TDRD1: variants seen among roughly 807,000 people sequenced by gnomAD.
TDRD1 encodes tudor domain-containing protein 1.
In TDRD1, 37 loss-of-function variants were observed where a neutral mutation model predicts 140.6. The ratio of observed to expected loss-of-function variants is 0.26; its 90% CI spans 0.20 to 0.35. The LOEUF (loss-of-function observed/expected upper bound fraction) is 0.35. TDRD1 is among the 10% of genes least tolerant of loss of function. The pLI is 1.00. For missense variants in TDRD1, 1,243 were observed against 1,393.0 expected, an observed-to-expected ratio of 0.89 and a Z score of 1.71; for synonymous variants, 506 against 475.7, an observed-to-expected ratio of 1.06 and a Z score of -0.83.
At position 114,193,506 on chromosome 10, in the gene TDRD1, C is replaced by G. The variant is rs7894228; in HGVS notation, c.384+2487C>G. On this transcript the variant is annotated intron_variant, in intron 3 of 25. Coordinates refer to ENST00000251864, the Ensembl canonical transcript of TDRD1. ...ACGTGGTTTCACCATGTTGATCAGG[C>G]CGGTCCCGAACTCCTGACCTTAGGT... is the stretch of plus-strand genomic sequence containing the variant. 4.8e-3 allele frequency among the ~76,000 whole-genome samples: 731 copies of G among 152,160 alleles called. 5 individuals are homozygous for G. The highest frequency in any genetic ancestry group is 0.017 in the African/African-American group (692 of 41,518).
At position 114,222,810 on chromosome 10, in the gene TDRD1, A is replaced by G. The variant is rs200129032; in HGVS notation, c.3007+107A>G. The G allele has an allele frequency of 2.5e-5, 16 of 630,908 alleles. No homozygotes were observed. In the East Asian group the frequency reaches 4.4e-4, roughly 17 times the overall value. The allele number at this position is 630,908 out of a possible 1,614,324, so 39.1% of individuals were successfully genotyped here. A position where few individuals can be genotyped will look rare whatever the true frequency, so the allele number is the denominator to read the frequency against. On this transcript the variant is annotated intron_variant, in intron 21 of 25. Coordinates refer to ENST00000251864, the Ensembl canonical transcript of TDRD1. ...TTTAGCTGCATATTTCATTTGGTTT[A>G]GGGAGAGAAATTAAGGAAGGCAGTG...
chr10:114,191,151 A>T (rs530767396), intron 3 of TDRD1, 132 bp downstream of exon 3: 116 of 990,170 alleles, frequency 1.2e-4, no homozygotes, highest in Middle Eastern at 3.2e-4. Context: ...GTACATTTTT[A>T]AAAAAAGAAA....
intron 25 of TDRD1, chr10:114,228,373 T>G (rs1421290885): frequency 8.1e-7 from 1 of 1,230,142 alleles, no homozygotes; most frequent in Non-Finnish European, 1.0e-6. Flanking sequence ...CTTTCCTTAC[T>G]GTTGTTTGGT....
At chr10:114,176,425 A>G (rs960813178), upstream of TDRD1, among the ~76,000 whole-genome samples, 3 of 152,232 alleles carry the variant, frequency 2.0e-5, no homozygotes, top group East Asian at 1.9e-4. This position sits in a 1 kb window ranked among gnomAD's most constrained non-coding sequence, Gnocchi z 4.2. Context: ...GAACATATCA[A>G]CGATTTAAGA....
At chr10:114,221,847 C>T (rs952341063) in intron 20 of TDRD1, among the ~76,000 whole-genome samples, 7 of 152,196 alleles carry the variant, frequency 4.6e-5, no homozygotes, top group East Asian at 1.9e-4. Flanking sequence ...ACCTTAGAGA[C>T]GTAGAGAAAT....
intron 1 of TDRD1, among the ~76,000 whole-genome samples, chr10:114,183,571 T>TC (rs1323131224): frequency 6.6e-6 from 1 of 152,172 alleles, no homozygotes; most frequent in Non-Finnish European, 1.5e-5. Context: ...GCGGTTATAA[T>TC]TATATTGAAT....
rs2036749158 is a variant in TDRD1 at position 114,231,410 on chromosome 10, G to A, written c.3539-76G>A. 4 of 1,204,224 alleles carry A rather than the reference G, an allele frequency of 3.3e-6. No individual in the cohort carries two copies. The African/African-American group carries it at 6.1e-5, about 18-fold the overall frequency. The allele number at this position is 1,204,224 out of a possible 1,614,324, so 74.6% of individuals were successfully genotyped here. ...TTAAAAGTGAATATTTTGTTTGCTT[G>A]TATTTGAAATTAAAAGCCATAGCAA... is the stretch of plus-strand genomic sequence containing the variant. On this transcript the variant is annotated intron_variant, in intron 25 of 25. Transcript: ENST00000251864.
At chr10:114,204,323 C>T in intron 9 of TDRD1, 107 bp downstream of exon 9, 1 of 1,223,684 alleles carries the variant, frequency 8.2e-7, no homozygotes, top group Non-Finnish European at 1.1e-6. Context: ...TGTTACTGTA[C>T]CTGTACTATG....
intron 1 of TDRD1, among the ~76,000 whole-genome samples, chr10:114,180,371 T>C (rs1279202692): frequency 6.6e-6 from 1 of 152,232 alleles, no homozygotes; most frequent in Non-Finnish European, 1.5e-5. Context: ...TTGCCCAAGA[T>C]AGCGTGGCTA....
At chr10:114,199,148 C>T (rs2034562426) in intron 3 of TDRD1, 25 bp from the exon 4 acceptor site, 1 of 1,596,644 alleles carries the variant, frequency 6.3e-7, no homozygotes, top group Admixed American at 1.8e-5. Flanking sequence ...CAAATTCTAA[C>T]ATTGCTCTTC....
intron 11 of TDRD1, among the ~76,000 whole-genome samples, chr10:114,206,637 G>T (rs1173204534): frequency 5.7e-5 from 8 of 140,106 alleles, no homozygotes; most frequent in African/African-American, 1.9e-4. Context: ...TTTTGAGATG[G>T]AGTTTCACTC....
chr10:114,203,613 T>C (rs894225337), intron 8 of TDRD1, 46 bp downstream of exon 8: 3 of 1,535,446 alleles, frequency 2.0e-6, no homozygotes, highest in Non-Finnish European at 2.6e-6. Flanking sequence ...GAGCTAACTT[T>C]GGTCGTATGA....
At chr10:114,203,041 T>A (rs1262371734) in intron 6 of TDRD1, 31 bp from the exon 7 acceptor site, 1 of 1,447,374 alleles carries the variant, frequency 6.9e-7, no homozygotes, top group Non-Finnish European at 9.7e-7. Context: ...TGCTTTTAAG[T>A]AACTCACTTC....
intron 21 of TDRD1, among the ~76,000 whole-genome samples, chr10:114,223,061 G>A (rs1238424028): frequency 2.0e-5 from 3 of 152,228 alleles, no homozygotes; most frequent in African/African-American, 4.8e-5. Flanking sequence ...AGGATGGAAT[G>A]CCTCAGGGAG....
chr10:114,204,720 A>G lies in TDRD1; in HGVS notation c.1126-2A>G. 1 of 1,565,090 alleles carries G rather than the reference A, an allele frequency of 6.4e-7. No homozygotes were observed. The highest frequency in any genetic ancestry group is 8.6e-7 in the Non-Finnish European group (1 of 1,165,942). On this transcript the variant is annotated splice_acceptor_variant, in intron 9 of 25. Transcript: ENST00000251864. LOFTEE classifies it high-confidence loss of function. ...GTAAGTAACCTGCGTAAAATTTTTC[A>G]GGCCATAAAGTGCTTTGTAGCCAAT...
chr10:114,196,336 G>T (rs1432196552), intron 3 of TDRD1, among the ~76,000 whole-genome samples: 1 of 152,150 alleles, frequency 6.6e-6, no homozygotes, highest in Admixed American at 6.5e-5. Flanking sequence ...TTAGGATAAA[G>T]CTACTGGTAA....
At chr10:114,188,150 C>G (rs765854152) in exon 2 of TDRD1, 1 of 1,570,592 alleles carries the variant, frequency 6.4e-7, no homozygotes, top group East Asian at 2.2e-5. Context: ...GAAAAAATTG[C>G]CAGCAGGTGA....
intron 25 of TDRD1, chr10:114,228,490 C>T (rs568676773): frequency 9.8e-6 from 10 of 1,017,846 alleles, no homozygotes; most frequent in Non-Finnish European, 1.2e-5. Flanking sequence ...ACTCAGAGCT[C>T]ACTTATGCAC....
rs1372363370 is a variant in TDRD1 at position 114,213,343 on chromosome 10, T to C, written c.1832-3T>C. 3.7e-6 allele frequency: 6 copies of C among 1,603,174 alleles called. No homozygotes were observed. The African/African-American group carries it at 8.0e-5, about 22-fold the overall frequency. ...GTAACATTCATTCAAAATTCTTTGT[T>C]AGGAGTAAAGCCATCATTAGGAATT... On this transcript the variant is annotated splice_region_variant and splice_polypyrimidine_tract_variant and intron_variant, in intron 14 of 25. Coordinates refer to ENST00000251864, the Ensembl canonical transcript of TDRD1.
Sources: gnomAD v4.1 joint callset for allele counts (sites outside exome capture counted in the v4.1 genomes callset) on GRCh38, gnomAD v4.1.1 for gene constraint, Gnocchi (gnomAD v3.1) non-coding constraint, MANE v1.5 for transcripts, NCBI Gene and HGNC (gene_info 2026-07-23, HGNC 2026-07-21) for gene names.